MAK: variants seen among roughly 807,000 people sequenced by gnomAD.
MAK encodes the protein serine/threonine-protein kinase MAK.
Under a neutral mutation model 82.6 loss-of-function variants are expected in MAK, and 65 were observed. That is an observed-to-expected ratio of 0.79 (90% CI 0.64 to 0.97). The LOEUF (loss-of-function observed/expected upper bound fraction) is 0.97. Among genes scored for constraint, MAK ranks in the 50% least tolerant of loss-of-function variants. The pLI, the probability that MAK is intolerant of heterozygous loss-of-function variation, is 0.00. For missense variants in MAK, 703 were observed against 780.2 expected, an observed-to-expected ratio of 0.90 and a Z score of 1.18; for synonymous variants, 250 against 274.2, an observed-to-expected ratio of 0.91 and a Z score of 0.87.
chr6:10,806,926 C>T (rs554738641), intron 6 of MAK, among the ~76,000 whole-genome samples: 2 of 152,274 alleles, frequency 1.3e-5, no homozygotes, highest in South Asian at 2.1e-4. Context: ...ACTTCCCAGC[C>T]GCAGGTGTTC....
At chr6:10,821,581 T>C (rs911298003) in intron 2 of MAK, among the ~76,000 whole-genome samples, 1 of 152,172 alleles carries the variant, frequency 6.6e-6, no homozygotes, top group South Asian at 2.1e-4. Context: ...AGGTCTAGAA[T>C]TTTAAAAGTA....
intron 6 of MAK, among the ~76,000 whole-genome samples, chr6:10,805,336 G>C (rs2327288): frequency 0.83 from 126,386 of 152,152 alleles, 52,414 homozygotes; most frequent in South Asian, 0.86. Flanking sequence ...ACCTGTAATT[G>C]CAGCACTTTG....
rs1475479186 is a variant in MAK, at chr6:10,813,711, G to A, written c.291C>T (p.Phe97=). The part of the protein sequence containing the change: ...YQLMKDRNKL[F]PESVIRNIMY... Reference sequence around the variant, plus strand: ...TAATATTTCTGATGACTGATTCAGGGAACAACTTGTTTCTGTAAAGAAATG... The same window carrying A: ...TAATATTTCTGATGACTGATTCAGGAAACAACTTGTTTCTGTAAAGAAATG... The change falls in exon 5 of 15, where the codon TTC becomes TTT. Residue 97 remains phenylalanine, a synonymous_variant. Transcript: ENST00000354489. 6.3e-7 allele frequency: 1 copy of A among 1,592,824 alleles called. No individual in the cohort carries two copies. Among genetic ancestry groups the A allele is most frequent in the Non-Finnish European group, 8.6e-7 (1 of 1,160,888 alleles).
intron 8 of MAK, among the ~76,000 whole-genome samples, chr6:10,798,624 A>AT (rs931888800): frequency 6.6e-6 from 1 of 151,920 alleles, no homozygotes; most frequent in Non-Finnish European, 1.5e-5. Flanking sequence ...ACTTTTCGGT[A>AT]TTTTTTTCTC....
In MAK at chr6:10,784,559, C is replaced by T; in HGVS notation, c.1330G>A (p.Val444Ile). The change falls in exon 11 of 15, where the codon GTA (valine) becomes ATA (isoleucine). Residue 444 changes from valine to isoleucine, a missense_variant. Transcript: ENST00000354489. ...KDSPFRLPEP[V>I]PSGSNHSTGE... ...GTCGAGTGGTTGGAGCCTGAGGGTA[C>T]TGGCTCTGGAAGCCTTGAAAGCCAA... The T allele has an allele frequency of 6.2e-7, 1 of 1,614,030 alleles. No individual in the cohort carries two copies. Among genetic ancestry groups the T allele is most frequent in the Non-Finnish European group, 8.5e-7 (1 of 1,180,004 alleles).
chr6:10,775,691 C>G (rs1006165495), intron 11 of MAK, among the ~76,000 whole-genome samples: 12 of 152,170 alleles, frequency 7.9e-5, no homozygotes, highest in African/African-American at 2.9e-4. Flanking sequence ...AAGATATTTT[C>G]TACAATATAA....
At chr6:10,836,719 AGATAT>A (rs1175762754) in intron 1 of MAK, among the ~76,000 whole-genome samples, 6 of 152,258 alleles carry the variant, frequency 3.9e-5, no homozygotes, top group African/African-American at 1.2e-4. Flanking sequence ...GAATATATAT[AGATAT>A]GATACATATG....
At chr6:10,768,827 A>C (rs771196291) in intron 14 of MAK, among the ~76,000 whole-genome samples, 4 of 152,240 alleles carry the variant, frequency 2.6e-5, no homozygotes, top group Non-Finnish European at 5.9e-5. Context: ...AATAGTGTGA[A>C]CTTTAAAGAC....
At chr6:10,798,799 ATTATTTATTTATTTAT>A (rs59455975) in intron 8 of MAK, among the ~76,000 whole-genome samples, 1,816 of 144,998 alleles carry the variant, frequency 0.013, 43 homozygotes, top group African/African-American at 0.042. Context: ...GTTTAGAAAC[ATTATTTATTTATTTAT>A]TTATTTATTT....
chr6:10,777,740 G>C (rs1773586134), intron 11 of MAK, among the ~76,000 whole-genome samples: 1 of 152,166 alleles, frequency 6.6e-6, no homozygotes, highest in South Asian at 2.1e-4. Flanking sequence ...CCAGGTTCAA[G>C]TGATTCTCTT....
chr6:10,811,047 G>T (rs1226755835), intron 5 of MAK, among the ~76,000 whole-genome samples: 1 of 152,142 alleles, frequency 6.6e-6, no homozygotes, highest in East Asian at 1.9e-4. Context: ...CACCCAGGCT[G>T]GAGTGCAGTG....
chr6:10,819,807 CAG>C (rs940214041), intron 2 of MAK, among the ~76,000 whole-genome samples: 2 of 151,556 alleles, frequency 1.3e-5, no homozygotes, highest in Non-Finnish European at 2.9e-5. Context: ...CCATACAAAA[CAG>C]GGGATAATAA....
intron 13 of MAK, among the ~76,000 whole-genome samples, chr6:10,771,505 G>A (rs1773014699): frequency 6.6e-6 from 1 of 152,212 alleles, no homozygotes; most frequent in Non-Finnish European, 1.5e-5. Flanking sequence ...AGCTCTGCAG[G>A]AAGGGAGACA....
intron 2 of MAK, among the ~76,000 whole-genome samples, chr6:10,825,769 G>A (rs1164607455): frequency 1.3e-5 from 2 of 152,012 alleles, no homozygotes; most frequent in Non-Finnish European, 2.9e-5. Flanking sequence ...CCAGTCACCA[G>A]TTTCTATAGA....
chr6:10,833,960 C>G (rs555503846), intron 1 of MAK, among the ~76,000 whole-genome samples: 2 of 152,246 alleles, frequency 1.3e-5, no homozygotes, highest in South Asian at 4.1e-4. Flanking sequence ...CTGCACGGTT[C>G]CTAATCAAAA....
At chr6:10,765,652 GT>G (rs1351943542) in intron 14 of MAK, among the ~76,000 whole-genome samples, 2 of 151,908 alleles carry the variant, frequency 1.3e-5, no homozygotes, top group Non-Finnish European at 2.9e-5. Flanking sequence ...TAGAGATGGG[GT>G]TTTGCCATGT....
In MAK at chr6:10,824,487, T is replaced by G. The variant is rs191671192; in HGVS notation, c.102-5547A>C. Among the ~76,000 whole-genome samples the G allele has an allele frequency of 2.6e-5, 4 of 152,004 alleles. No individual in the cohort carries two copies. The East Asian group carries it at 5.8e-4, about 22-fold the overall frequency. ...ACCATCAGCCTTTCACCCACTACAC[T>G]CTCAAGATCACACACACGTTCTGAA... On this transcript the variant is annotated intron_variant, in intron 2 of 14. Transcript: ENST00000354489.
At chr6:10,812,817 G>A (rs1017078124) in intron 5 of MAK, among the ~76,000 whole-genome samples, 4 of 151,544 alleles carry the variant, frequency 2.6e-5, no homozygotes, top group East Asian at 1.9e-4. Flanking sequence ...AGGCTGGAGT[G>A]CAATGCCACA....
chr6:10,826,364 A>G (rs141851314), intron 2 of MAK, among the ~76,000 whole-genome samples: 197 of 151,508 alleles, frequency 1.3e-3, no homozygotes, highest in African/African-American at 4.2e-3. Flanking sequence ...ATATTCCCCC[A>G]TCATAGGACT....
Sources: allele counts gnomAD v4.1 joint callset (sites outside exome capture counted in the v4.1 genomes callset), GRCh38; gene constraint gnomAD v4.1.1; transcripts MANE v1.5; gene names NCBI Gene and HGNC (gene_info 2026-07-23, HGNC 2026-07-21).